The following RTL4 variants were observed in gnomAD, a reference collection of about 807,000 sequenced individuals.
RTL4 encodes the protein retrotransposon Gag-like protein 4.
RTL4 carries 4 observed loss-of-function variants against 5.3 expected under a neutral mutation model. The observed-to-expected ratio is 0.75, with a 90% CI of 0.37 to 1.72. RTL4 has a LOEUF of 1.72. Ranked by LOEUF, RTL4 falls within the 40% of genes most tolerant of loss-of-function variation. The pLI, the probability that RTL4 is intolerant of heterozygous loss-of-function variation, is 0.04. For synonymous variants in RTL4, 98 were observed against 87.3 expected (o/e 1.12, Z -0.68); for missense variants, 260 against 227.1 (o/e 1.14, Z -0.93).
chrX:112,186,575 TG>T, the RTL4 span, among the ~76,000 whole-genome samples: 3 of 111,916 alleles, frequency 2.7e-5, no homozygotes, highest in African/African-American at 9.7e-5. Context: ...CTGTAACATT[TG>T]CCAAACAGTG....
At chrX:112,252,394 T>C in the RTL4 span, among the ~76,000 whole-genome samples, 1 of 111,992 alleles carries the variant, frequency 8.9e-6, no homozygotes, top group Non-Finnish European at 1.9e-5. Context: ...TTAAAGTCTA[T>C]TTTTAACTAC....
At chrX:112,287,149 A>C in the RTL4 span, among the ~76,000 whole-genome samples, 564 of 112,006 alleles carry the variant, frequency 5.0e-3, 5 homozygotes, top group African/African-American at 0.017. Context: ...GAAGGTACTC[A>C]GTGTGTGATG....
At chrX:112,297,511 G>A in the RTL4 span, among the ~76,000 whole-genome samples, 1 of 110,914 alleles carries the variant, frequency 9.0e-6, no homozygotes, top group Non-Finnish European at 1.9e-5. Context: ...ATTACGAGAC[G>A]GCACTAGGGG....
chrX:112,354,760 G>A, the RTL4 span, among the ~76,000 whole-genome samples: 3 of 110,927 alleles, frequency 2.7e-5, no homozygotes, highest in African/African-American at 6.5e-5. Context: ...AGGAAAGTGA[G>A]ATGATAGGTG....
At chrX:112,451,095 C>T (rs1926727141), upstream of RTL4, among the ~76,000 whole-genome samples, 1 of 111,553 alleles carries the variant, frequency 9.0e-6, no homozygotes, top group African/African-American at 3.3e-5. Flanking sequence ...ATGTAATAAG[C>T]AGTAGATACT....
At chrX:112,111,404 G>T in the RTL4 span, among the ~76,000 whole-genome samples, 1 of 111,734 alleles carries the variant, frequency 8.9e-6, no homozygotes, top group Non-Finnish European at 1.9e-5. Flanking sequence ...CACTTATGCT[G>T]CTGTTCTCCT....
the RTL4 span, among the ~76,000 whole-genome samples, chrX:112,324,318 T>G: frequency 2.6e-4 from 29 of 112,342 alleles, no homozygotes; most frequent in African/African-American, 9.4e-4. Flanking sequence ...GATTATTTCC[T>G]TGGCAGTGCA....
Position 112,455,213 on chromosome X carries a change from A to C in RTL4, c.485A>C (p.Asp162Ala), listed in dbSNP as rs1031922582. 11 of 1,209,427 alleles carry C rather than the reference A, an allele frequency of 9.1e-6. No individual in the cohort carries two copies. In the East Asian group the frequency reaches 3.0e-4, roughly 33 times the overall value. ...AAAGGAGACAACTCCTCTCAGCAGG[A>C]CCCTGCTACTTTCCACCTCCTCGCT... is the stretch of plus-strand genomic sequence containing the variant. The change falls in exon 1 of 1, where the codon GAC (aspartate) becomes GCC (alanine). Residue 162 changes from aspartate (D) to alanine (A), a missense_variant. By Grantham distance (126) the Asp-to-Ala change is moderately radical. Coordinates refer to ENST00000340433, the Ensembl canonical transcript of RTL4.
the RTL4 span, among the ~76,000 whole-genome samples, chrX:112,191,757 G>T: frequency 4.5e-5 from 5 of 111,622 alleles, no homozygotes; most frequent in African/African-American, 1.6e-4. Flanking sequence ...ATTCATACAT[G>T]TTATACTCAG....
chrX:112,106,274 A>C, the RTL4 span, among the ~76,000 whole-genome samples: 1 of 112,098 alleles, frequency 8.9e-6, no homozygotes, highest in African/African-American at 3.2e-5. Flanking sequence ...TCAGATTACT[A>C]GTATTTTGTT....
the RTL4 span, among the ~76,000 whole-genome samples, chrX:112,108,353 G>A: frequency 1.4e-4 from 16 of 111,793 alleles, no homozygotes; most frequent in Admixed American, 3.8e-4. Context: ...CTTTGGTGAC[G>A]TCATGTTTCC....
chrX:112,368,925 C>T, the RTL4 span, among the ~76,000 whole-genome samples: 9 of 112,594 alleles, frequency 8.0e-5, no homozygotes, highest in East Asian at 2.3e-3. Context: ...TAACCTAAGT[C>T]AGTTTTCAAG....
the RTL4 span, among the ~76,000 whole-genome samples, chrX:112,125,298 T>A: frequency 1.8e-5 from 2 of 111,507 alleles, no homozygotes; most frequent in Non-Finnish European, 3.8e-5. Flanking sequence ...GATTAAGAAA[T>A]CTTTCTTTAC....
chrX:112,285,485 A>G, the RTL4 span, among the ~76,000 whole-genome samples: 1 of 111,773 alleles, frequency 8.9e-6, no homozygotes, highest in Non-Finnish European at 1.9e-5. Flanking sequence ...TTTTGCATAT[A>G]TAGAAGTATT....
the RTL4 span, among the ~76,000 whole-genome samples, chrX:112,437,525 A>T: frequency 9.2e-6 from 1 of 108,657 alleles, no homozygotes; most frequent in Non-Finnish European, 1.9e-5. Context: ...CTTTGTACCC[A>T]ATATATATAT....
chrX:112,163,882 G>C, the RTL4 span, among the ~76,000 whole-genome samples: 5 of 111,493 alleles, frequency 4.5e-5, no homozygotes, highest in African/African-American at 1.6e-4. Context: ...CCACTCTGAG[G>C]TTTTAATCTG....
the RTL4 span, among the ~76,000 whole-genome samples, chrX:112,141,409 G>T: frequency 9.2e-6 from 1 of 108,771 alleles, no homozygotes. Flanking sequence ...AACTTTTCTT[G>T]CTTTTTCTTG....
the RTL4 span, among the ~76,000 whole-genome samples, chrX:112,200,249 T>C: frequency 6.2e-5 from 7 of 112,151 alleles, no homozygotes; most frequent in East Asian, 2.0e-3. Flanking sequence ...CGTGCCAACA[T>C]GCAATGTGAC....
the RTL4 span, among the ~76,000 whole-genome samples, chrX:112,106,930 T>C: frequency 8.9e-6 from 1 of 112,099 alleles, no homozygotes; most frequent in South Asian, 3.7e-4. Flanking sequence ...CCTTGTTGGA[T>C]AGATAGTTTG....
Sources: allele counts gnomAD v4.1 joint callset (sites outside exome capture counted in the v4.1 genomes callset), GRCh38; gene constraint gnomAD v4.1.1; transcripts MANE v1.5; gene names NCBI Gene and HGNC (gene_info 2026-07-23, HGNC 2026-07-21).